Variants in KCNMB1 observed in about 807,000 individuals in gnomAD.
KCNMB1 encodes potassium calcium-activated channel subfamily M regulatory beta subunit 1, also known as calcium-activated potassium channel subunit beta-1.
KCNMB1 carries 22 observed loss-of-function variants against 21.7 expected under a neutral mutation model. That is an observed-to-expected ratio of 1.01 (90% CI 0.72 to 1.45). The LOEUF is 1.45. Ranked by LOEUF, KCNMB1 falls within the 40% of genes most tolerant of loss-of-function variation. The probability of loss-of-function intolerance (pLI) is 0.00; values close to 1 mark genes in which losing one functional copy is unlikely to be tolerated. For synonymous variants in KCNMB1, 114 were observed against 107.6 expected (o/e 1.06, Z -0.37); for missense variants, 243 against 243.4 (o/e 1.00, Z 0.01).
At position 170,385,383 on chromosome 5, in the gene KCNMB1, G is replaced by C; in HGVS notation, c.65C>G (p.Thr22Ser). Residue 22 changes from threonine to serine, a missense_variant, in exon 2 of 4, where the codon ACC (threonine) becomes AGC (serine). Thr to Ser is a moderately conservative substitution (Grantham distance 58). Coordinates refer to ENST00000274629, the MANE Select transcript of KCNMB1 (RefSeq NM_004137.4). The part of the protein sequence containing the change: ...GETRALCLGV[T>S]MVVCAVITYY... ...GGTGATGACGGCACACACCACCATG[G>C]TTACACCCAGGCAAAGGGCTCGTGT... is the stretch of plus-strand genomic sequence containing the variant. The C allele has an allele frequency of 3.7e-6, 6 of 1,614,062 alleles. No homozygotes were observed. The highest frequency in any genetic ancestry group is 5.1e-6 in the Non-Finnish European group (6 of 1,179,990).
chr5:170,385,746 C>T (rs949241019), intron 1 of KCNMB1, among the ~76,000 whole-genome samples: 1 of 151,824 alleles, frequency 6.6e-6, no homozygotes, highest in African/African-American at 2.4e-5. Flanking sequence ...TAATGGCCCC[C>T]CAAGATGTCT....
chr5:170,385,287 G>A (rs890338627), intron 2 of KCNMB1, 27 bp downstream of exon 2: 2 of 1,613,600 alleles, frequency 1.2e-6, no homozygotes, highest in Non-Finnish European at 1.7e-6. Context: ...AGGGTTGGGG[G>A]GTGGGCAGGC....
intron 3 of KCNMB1, 180 bp downstream of exon 3, chr5:170,383,499 C>T: frequency 1.4e-6 from 1 of 697,620 alleles, no homozygotes; most frequent in South Asian, 1.7e-5. Flanking sequence ...GCGGCAGATT[C>T]AAACCCAGGT....
In KCNMB1 at chr5:170,385,367, G is replaced by A. The variant is rs142110081; in HGVS notation, c.81C>T (p.Ala27=). 9.3e-6 allele frequency: 15 copies of A among 1,613,962 alleles called. No individual in the cohort carries two copies. The highest frequency in any genetic ancestry group is 4.0e-5 in the African/African-American group (3 of 74,890). Reference sequence around the variant, plus strand: ...TGACCAGGATGTAGTAGGTGATGACGGCACACACCACCATGGTTACACCCA... The same window carrying A: ...TGACCAGGATGTAGTAGGTGATGACAGCACACACCACCATGGTTACACCCA... ...LCLGVTMVVC[A]VITYYILVTT... Residue 27 remains alanine, a synonymous_variant, in exon 2 of 4, where the codon GCC becomes GCT. Coordinates refer to ENST00000274629, the MANE Select transcript of KCNMB1 (RefSeq NM_004137.4).
intron 3 of KCNMB1, among the ~76,000 whole-genome samples, 189 bp from the exon 4 acceptor site, chr5:170,379,162 G>T (rs1276178713): frequency 6.6e-6 from 1 of 152,212 alleles, no homozygotes; most frequent in African/African-American, 2.4e-5. Context: ...TGTGTCTTGT[G>T]TGTGGATGGC....
intron 3 of KCNMB1, chr5:170,383,362 CTT>C (rs1384540027): frequency 1.7e-6 from 1 of 592,012 alleles, no homozygotes. Flanking sequence ...AAGCGTGGCA[CTT>C]TATATACAGC....
chr5:170,387,861 C>T (rs1404736040), intron 1 of KCNMB1, among the ~76,000 whole-genome samples: 1 of 152,240 alleles, frequency 6.6e-6, no homozygotes, highest in Non-Finnish European at 1.5e-5. Flanking sequence ...TGGCACTTGG[C>T]CCCACCCCAG....
Position 170,385,433 on chromosome 5 carries a change from C to G in KCNMB1, c.15G>C (p.Leu5=), listed in dbSNP as rs1485828201. MVKK[L]VMAQKRGETR... ...TCTCTCCCCGCTTCTGGGCCATCAC[C>G]AGCTTCTTCACCATATTCACTGGGG... Residue 5 remains leucine (L), a synonymous_variant, in exon 2 of 4, where the codon CTG becomes CTC. Transcript: ENST00000274629. The G allele has an allele frequency of 6.2e-7, 1 of 1,614,054 alleles. No homozygotes were observed. The highest frequency in any genetic ancestry group is 8.5e-7 in the Non-Finnish European group (1 of 1,180,036).
intron 2 of KCNMB1, among the ~76,000 whole-genome samples, chr5:170,384,918 A>G (rs2113344764): frequency 6.6e-6 from 1 of 152,330 alleles, no homozygotes; most frequent in Non-Finnish European, 1.5e-5. Context: ...AGGAGGCTGG[A>G]TGCCCACCTG....
intron 3 of KCNMB1, 119 bp from the exon 4 acceptor site, chr5:170,379,092 G>A (rs1764132782): frequency 4.0e-6 from 5 of 1,248,528 alleles, no homozygotes; most frequent in Non-Finnish European, 5.5e-6. Context: ...TGGAGTCGGG[G>A]CTTTGGTCTA....
At chr5:170,381,202 C>A (rs1764225679) in intron 3 of KCNMB1, among the ~76,000 whole-genome samples, 2 of 152,162 alleles carry the variant, frequency 1.3e-5, no homozygotes, top group South Asian at 4.1e-4. Context: ...TCTTCATGGC[C>A]AAACCCAGAA....
At chr5:170,388,019 C>CG (rs1402601032) in intron 1 of KCNMB1, among the ~76,000 whole-genome samples, 2 of 139,236 alleles carry the variant, frequency 1.4e-5, no homozygotes, top group Admixed American at 7.5e-5. Context: ...GGCTAATCAG[C>CG]CCCCCCCAGC....
At chr5:170,383,315 C>A in intron 3 of KCNMB1, 1 of 544,656 alleles carries the variant, frequency 1.8e-6, no homozygotes, top group Non-Finnish European at 3.3e-6. Flanking sequence ...ACACTAATCA[C>A]TGCTTTTGTT....
At chr5:170,386,363 C>T (rs1764473836) in intron 1 of KCNMB1, among the ~76,000 whole-genome samples, 1 of 152,176 alleles carries the variant, frequency 6.6e-6, no homozygotes, top group African/African-American at 2.4e-5. Flanking sequence ...GCTCATCCCC[C>T]ACGGCCACTG....
At position 170,383,853 on chromosome 5, in the gene KCNMB1, G is replaced by A. The variant is rs559712764; in HGVS notation, c.135-3C>T. ...ACTTGGATTCCTGGGTCCACACGCTGAGGAGACCACACACATGCACACATA... is the reference window on the plus strand; with the variant it reads ...ACTTGGATTCCTGGGTCCACACGCTAAGGAGACCACACACATGCACACATA... On this transcript the variant is annotated splice_region_variant and splice_polypyrimidine_tract_variant and intron_variant, in intron 2 of 3. Coordinates refer to ENST00000274629, the MANE Select transcript of KCNMB1 (RefSeq NM_004137.4). The A allele has an allele frequency of 6.8e-6, 11 of 1,613,634 alleles. No homozygotes were observed. In the South Asian group the frequency reaches 1.2e-4, roughly 18 times the overall value.
intron 1 of KCNMB1, 146 bp from the exon 2 acceptor site, chr5:170,385,617 C>A: frequency 3.9e-6 from 3 of 772,398 alleles, no homozygotes; most frequent in Non-Finnish European, 4.1e-6. Flanking sequence ...AGAAGTCTTG[C>A]TTTTTGGACC....
chr5:170,383,727 C>T lies in KCNMB1; in HGVS notation c.258G>A (p.Arg86=), dbSNP rs755199088. ...CLWVNVSAAG[R]WAVLYHTEDT... Reference sequence around the variant, plus strand: ...CCTCCGTGTGGTACAGCACAGCCCACCTGCCGGCAGCTGACACGTTGACCC... The same window carrying T: ...CCTCCGTGTGGTACAGCACAGCCCATCTGCCGGCAGCTGACACGTTGACCC... Residue 86 remains arginine, a synonymous_variant, in exon 3 of 4, where the codon AGG becomes AGA. Coordinates refer to ENST00000274629, the MANE Select transcript of KCNMB1 (RefSeq NM_004137.4). 8.2e-5 allele frequency: 132 copies of T among 1,614,082 alleles called. No individual in the cohort carries two copies. Among genetic ancestry groups the T allele is most frequent in the Non-Finnish European group, 1.1e-4 (132 of 1,180,050 alleles).
At position 170,377,487 on chromosome 5, in the gene KCNMB1, C is replaced by T. The variant is rs1157800697; in HGVS notation, c.*1217G>A. 4 of 152,226 alleles carry T rather than the reference C, an allele frequency of 2.6e-5. No homozygotes were observed. Among genetic ancestry groups the T allele is most frequent in the Admixed American group, 2.0e-4 (3 of 15,282 alleles). The allele number at this position is 152,226 out of a possible 1,614,324, so 9.4% of individuals were successfully genotyped here. A position where few individuals can be genotyped will look rare whatever the true frequency, so the allele number is the denominator to read the frequency against. On this transcript the variant is annotated 3_prime_UTR_variant, in exon 4 of 4. Coordinates refer to ENST00000274629, the MANE Select transcript of KCNMB1 (RefSeq NM_004137.4). ...CTGAGATAGGCTTCCCCAGCAGGCTCAGTGCCAGAGTCCATACCCTCAATT... is the reference window on the plus strand; with the variant it reads ...CTGAGATAGGCTTCCCCAGCAGGCTTAGTGCCAGAGTCCATACCCTCAATT...
Position 170,378,152 on chromosome 5 carries a change from C to T in KCNMB1, c.*552G>A, listed in dbSNP as rs1260330505. ...AATTTTGATGAGTTCTCATGTGTTTCCTTGCAGCTGATTGTTGTTTGGCAT... is the reference window on the plus strand; with the variant it reads ...AATTTTGATGAGTTCTCATGTGTTTTCTTGCAGCTGATTGTTGTTTGGCAT... On this transcript the variant is annotated 3_prime_UTR_variant, in exon 4 of 4. Transcript: ENST00000274629. 1 of 152,252 alleles carries T rather than the reference C, an allele frequency of 6.6e-6. No individual in the cohort carries two copies. Among genetic ancestry groups the T allele is most frequent in the Non-Finnish European group, 1.5e-5 (1 of 68,114 alleles). 9.4% of individuals were successfully genotyped at this position (152,252 alleles called of 1,614,324 possible).
Sources: allele counts gnomAD v4.1 joint callset (sites outside exome capture counted in the v4.1 genomes callset), GRCh38; gene constraint gnomAD v4.1.1; transcripts MANE v1.5; gene names NCBI Gene and HGNC (gene_info 2026-07-23, HGNC 2026-07-21).